LPP: variants seen among roughly 807,000 people sequenced by gnomAD.
LPP encodes LIM domain containing preferred translocation partner in lipoma.
LPP carries 38 observed loss-of-function variants against 60.4 expected under a neutral mutation model. The ratio of observed to expected loss-of-function variants is 0.63; its 90% CI spans 0.49 to 0.83. The LOEUF (loss-of-function observed/expected upper bound fraction) is 0.83. Among genes scored for constraint, LPP ranks in the 40% least tolerant of loss-of-function variants. The probability of loss-of-function intolerance (pLI) is 0.00; values close to 1 mark genes in which losing one functional copy is unlikely to be tolerated. For synonymous variants in LPP, 328 were observed against 290.8 expected, an observed-to-expected ratio of 1.13 and a Z score of -1.30; for missense variants, 902 against 783.6, an observed-to-expected ratio of 1.15 and a Z score of -1.80.
At chr3:188,293,237 A>G (rs1746626793) in intron 2 of LPP, among the ~76,000 whole-genome samples, 1 of 152,254 alleles carries the variant, frequency 6.6e-6, no homozygotes, top group East Asian at 1.9e-4. Context: ...TATCTTAAGA[A>G]GCAGAAAATG....
chr3:188,795,722 G>A (rs1016505332), intron 9 of LPP, among the ~76,000 whole-genome samples: 6 of 152,000 alleles, frequency 3.9e-5, no homozygotes, highest in African/African-American at 1.2e-4. Context: ...CATCATCATC[G>A]TCATCAGCTA....
intron 2 of LPP, among the ~76,000 whole-genome samples, chr3:188,321,268 C>G (rs1578091821): frequency 1.3e-5 from 2 of 152,160 alleles, no homozygotes; most frequent in Admixed American, 1.3e-4. Context: ...AGCCACTAAC[C>G]ACATGTGGCT....
In LPP at chr3:188,632,015, G is replaced by T. The variant is rs568655782; in HGVS notation, c.1113+22171G>T. Among the ~76,000 whole-genome samples, 3 of 152,244 alleles carry T rather than the reference G, an allele frequency of 2.0e-5. No individual in the cohort carries two copies. The South Asian group carries it at 6.2e-4, about 32-fold the overall frequency. The stretch of plus-strand genomic sequence containing the variant: ...GTCCCCTCCCAAGACCTTAGTAGGG[G>T]CCAGTGTACATGAGGGCCCCTGAAG... On this transcript the variant is annotated intron_variant, in intron 7 of 11. Transcript: ENST00000617246.
intron 2 of LPP, among the ~76,000 whole-genome samples, chr3:188,230,814 C>T (rs1285671275): frequency 6.6e-6 from 1 of 151,798 alleles, no homozygotes; most frequent in Non-Finnish European, 1.5e-5. Flanking sequence ...TTAATATTAT[C>T]TCACAGTTTC....
intron 1 of LPP, among the ~76,000 whole-genome samples, chr3:188,159,475 A>T (rs985166963): frequency 1.4e-4 from 21 of 152,174 alleles, no homozygotes; most frequent in African/African-American, 4.8e-4. Flanking sequence ...CATCTTACAT[A>T]TTTGTGTGTC....
intron 9 of LPP, among the ~76,000 whole-genome samples, chr3:188,837,838 A>T (rs1435808642): frequency 6.6e-6 from 1 of 152,206 alleles, no homozygotes. Context: ...AATGGTAATG[A>T]AATGAGACAG....
At chr3:188,637,358 A>C (rs947822956) in intron 7 of LPP, among the ~76,000 whole-genome samples, 5 of 152,204 alleles carry the variant, frequency 3.3e-5, no homozygotes, top group African/African-American at 1.2e-4. Context: ...GGACGCATTC[A>C]AAACAGTGTG....
chr3:188,746,845 C>T (rs949092399), intron 8 of LPP, among the ~76,000 whole-genome samples: 1 of 152,112 alleles, frequency 6.6e-6, no homozygotes, highest in Admixed American at 6.5e-5. Context: ...ACCTATTGCC[C>T]AGTTTTCTCA....
At chr3:188,479,903 A>G (rs941413947) in intron 4 of LPP, among the ~76,000 whole-genome samples, 1 of 152,240 alleles carries the variant, frequency 6.6e-6, no homozygotes, top group Non-Finnish European at 1.5e-5. Context: ...ACAATTACCC[A>G]TAACTAGTAA....
chr3:188,153,922 C>T (rs535803363), upstream of LPP: 15 of 152,836 alleles, frequency 9.8e-5, no homozygotes, highest in African/African-American at 3.6e-4. Flanking sequence ...CCAGCCCTGC[C>T]GAAGTTTCAC....
intron 3 of LPP, among the ~76,000 whole-genome samples, chr3:188,383,153 C>T (rs760169554): frequency 2.0e-5 from 3 of 152,146 alleles, no homozygotes; most frequent in Non-Finnish European, 4.4e-5. Context: ...GATGAAATTA[C>T]TGACGTTGAT....
chr3:188,878,987 C>A lies in LPP; in HGVS notation c.*4508C>A, dbSNP rs1395968437. ...TGAGGACAGAGACTTCAACTTGATT[C>A]TTTACCACCATTCAGCATATTTTTT... On this transcript the variant is annotated 3_prime_UTR_variant, in exon 12 of 12. Transcript: ENST00000617246. 4.4e-6 allele frequency: 1 copy of A among 227,986 alleles called. No homozygotes were observed. Among genetic ancestry groups the A allele is most frequent in the Admixed American group, 5.7e-5 (1 of 17,588 alleles). The allele number at this position is 227,986 out of a possible 1,614,324, so 14.1% of individuals were successfully genotyped here.
chr3:188,609,935 T>C lies in LPP; in HGVS notation c.1113+91T>C. On this transcript the variant is annotated intron_variant, in intron 7 of 11. Coordinates refer to ENST00000617246, the MANE Select transcript of LPP (RefSeq NM_001375462.1). The surrounding 1 kb of genome is among the most constrained non-coding windows in gnomAD (Gnocchi z 6.9). ...AAGCGAAGCCTAAGGCAAAAGTGTG[T>C]GTGTTACTTTTATTTCACTGACAAA... 1.6e-6 allele frequency: 2 copies of C among 1,237,370 alleles called. No individual in the cohort carries two copies. Among genetic ancestry groups the C allele is most frequent in the Non-Finnish European group, 2.3e-6 (2 of 888,674 alleles). 76.6% of individuals were successfully genotyped at this position (1,237,370 alleles called of 1,614,324 possible).
intron 1 of LPP, among the ~76,000 whole-genome samples, chr3:188,165,366 G>T (rs1247277899): frequency 6.6e-6 from 1 of 152,108 alleles, no homozygotes; most frequent in Non-Finnish European, 1.5e-5. Context: ...TCATTTGATT[G>T]GGCATTGAAG....
chr3:188,822,904 G>GT (rs1016096973), intron 9 of LPP, among the ~76,000 whole-genome samples: 30 of 152,030 alleles, frequency 2.0e-4, no homozygotes, highest in African/African-American at 7.2e-4. Flanking sequence ...CCCCTTTATG[G>GT]TTTTTTATTG....
chr3:188,350,001 A>G (rs192776288), intron 3 of LPP, among the ~76,000 whole-genome samples: 15 of 152,186 alleles, frequency 9.9e-5, no homozygotes, highest in African/African-American at 3.1e-4. Flanking sequence ...AAAAAGCTTG[A>G]TGGATTTGGA....
intron 2 of LPP, among the ~76,000 whole-genome samples, chr3:188,301,737 A>G (rs1009523002): frequency 5.3e-5 from 8 of 152,024 alleles, no homozygotes; most frequent in Non-Finnish European, 2.9e-5. Flanking sequence ...CACGATCATA[A>G]TTCACTGCAA....
intron 4 of LPP, among the ~76,000 whole-genome samples, chr3:188,432,074 G>C (rs1791032293): frequency 6.6e-6 from 1 of 152,018 alleles, no homozygotes; most frequent in African/African-American, 2.4e-5. Context: ...TGTATGCCGG[G>C]TATCTGGTAT....
chr3:188,428,595 TA>T (rs1393466835), intron 4 of LPP, among the ~76,000 whole-genome samples: 125 of 44,984 alleles, frequency 2.8e-3, no homozygotes, highest in African/African-American at 9.0e-3. Flanking sequence ...TATATATATA[TA>T]TTTTTTTTTT....
Sources: allele counts gnomAD v4.1 joint callset (sites outside exome capture counted in the v4.1 genomes callset), GRCh38; gene constraint gnomAD v4.1.1; non-coding constraint Gnocchi (gnomAD v3.1); transcripts MANE v1.5; gene names NCBI Gene and HGNC (gene_info 2026-07-23, HGNC 2026-07-21).